Variants in SH3RF3 observed in about 807,000 individuals in gnomAD.
SH3RF3 encodes E3 ubiquitin-protein ligase SH3RF3.
Under a neutral mutation model 66.3 loss-of-function variants are expected in SH3RF3, and 29 were observed. That is an observed-to-expected ratio of 0.44 (90% CI 0.33 to 0.60). The LOEUF is 0.60. Ranked by LOEUF, SH3RF3 falls within the 20% of genes least tolerant of loss-of-function variation. The pLI, the probability that SH3RF3 is intolerant of heterozygous loss-of-function variation, is 0.04. For missense variants in SH3RF3, 1,194 were observed against 1,190.9 expected (o/e 1.00, Z -0.04); for synonymous variants, 583 against 532.0 (o/e 1.10, Z -1.32).
intron 5 of SH3RF3, among the ~76,000 whole-genome samples, chr2:109,424,723 A>T (rs1224088288): frequency 1.3e-5 from 2 of 152,142 alleles, no homozygotes; most frequent in African/African-American, 2.4e-5. Flanking sequence ...TCGATAAGTG[A>T]TGTGTATGTT....
In SH3RF3 at chr2:109,299,988, C is replaced by G. The variant is rs529608059; in HGVS notation, c.574-47686C>G. ...GGATTTGTTCTATTTATTTATTTCG[C>G]TCTTTCTTCAAGAATTTGGAAACTG... On this transcript the variant is annotated intron_variant, in intron 1 of 9. Coordinates refer to ENST00000309415, the MANE Select transcript of SH3RF3 (RefSeq NM_001099289.3). 2.3e-4 allele frequency among the ~76,000 whole-genome samples: 35 copies of G among 152,300 alleles called. 1 individual carries two copies. The highest frequency in any genetic ancestry group is 3.4e-3 in the Middle Eastern group (1 of 294).
chr2:109,382,034 T>C (rs988374784), intron 3 of SH3RF3, among the ~76,000 whole-genome samples: 2 of 152,124 alleles, frequency 1.3e-5, no homozygotes, highest in African/African-American at 4.8e-5. Flanking sequence ...CCTCCATAAG[T>C]TGCTGAAACT....
At chr2:109,437,382 G>C (rs1013155664) in intron 7 of SH3RF3, among the ~76,000 whole-genome samples, 1 of 151,272 alleles carries the variant, frequency 6.6e-6, no homozygotes, top group African/African-American at 2.4e-5. Context: ...TGTCATGCTC[G>C]TGAACGTCTG....
chr2:109,440,368 G>C (rs1677527939), intron 7 of SH3RF3, among the ~76,000 whole-genome samples: 2 of 152,250 alleles, frequency 1.3e-5, no homozygotes, highest in South Asian at 4.1e-4. Context: ...AGCAAAGAAA[G>C]ACCCGCAGTG....
chr2:109,136,781 G>T (rs1676824407), intron 1 of SH3RF3, among the ~76,000 whole-genome samples: 1 of 152,184 alleles, frequency 6.6e-6, no homozygotes, highest in Non-Finnish European at 1.5e-5. Context: ...AAATGAATTA[G>T]GATTGACCAC....
At chr2:109,177,222 T>C (rs1340513573) in intron 1 of SH3RF3, among the ~76,000 whole-genome samples, 3 of 152,114 alleles carry the variant, frequency 2.0e-5, no homozygotes, top group African/African-American at 2.4e-5. Flanking sequence ...CCAGGGACGA[T>C]GATAGCTCCT....
chr2:109,364,654 T>C (rs1683122695), intron 2 of SH3RF3, among the ~76,000 whole-genome samples: 1 of 152,234 alleles, frequency 6.6e-6, no homozygotes, highest in Non-Finnish European at 1.5e-5. Context: ...CAGGTCTCAG[T>C]CTTTCAGCAA....
chr2:109,264,811 C>T lies in SH3RF3; in HGVS notation c.574-82863C>T, dbSNP rs190689248. Reference sequence around the variant, plus strand: ...TCTGGCCATCACCTACCGTGCATGCCGCACCCTCCTGAGGCTTTCTGGAGT... The same window carrying T: ...TCTGGCCATCACCTACCGTGCATGCTGCACCCTCCTGAGGCTTTCTGGAGT... On this transcript the variant is annotated intron_variant, in intron 1 of 9. Coordinates refer to ENST00000309415, the MANE Select transcript of SH3RF3 (RefSeq NM_001099289.3). Among the ~76,000 whole-genome samples the T allele has an allele frequency of 1.2e-3, 180 of 152,336 alleles. 1 individual carries two copies. Among genetic ancestry groups the T allele is most frequent in the African/African-American group, 4.1e-3 (169 of 41,586 alleles).
intron 6 of SH3RF3, among the ~76,000 whole-genome samples, chr2:109,433,274 A>G (rs969542603): frequency 2.0e-5 from 3 of 152,246 alleles, no homozygotes; most frequent in Non-Finnish European, 4.4e-5. Flanking sequence ...AGGAAAAATG[A>G]TATCTTCCCA....
chr2:109,476,807 A>C (rs1042409247), intron 8 of SH3RF3, among the ~76,000 whole-genome samples: 5 of 152,190 alleles, frequency 3.3e-5, no homozygotes, highest in Non-Finnish European at 5.9e-5. Context: ...TTTCTTGATG[A>C]TAAGCTAAAC....
intron 4 of SH3RF3, among the ~76,000 whole-genome samples, chr2:109,408,065 G>A (rs546459254): frequency 4.6e-4 from 70 of 152,260 alleles, no homozygotes; most frequent in African/African-American, 1.6e-3. Context: ...GAGAGCATCC[G>A]GGAGCTCTGG....
chr2:109,487,714 A>G (rs1428780692), intron 8 of SH3RF3, among the ~76,000 whole-genome samples: 1 of 152,088 alleles, frequency 6.6e-6, no homozygotes, highest in Non-Finnish European at 1.5e-5. Flanking sequence ...GTCCAGGCCC[A>G]CAGGGCCCAA....
Position 109,503,001 on chromosome 2 carries a change from G to A in SH3RF3, c.*1330G>A, listed in dbSNP as rs1205339800. 1 of 152,216 alleles carries A rather than the reference G, an allele frequency of 6.6e-6. No individual in the cohort carries two copies. The highest frequency in any genetic ancestry group is 6.5e-5 in the Admixed American group (1 of 15,276). 9.4% of individuals were successfully genotyped at this position (152,216 alleles called of 1,614,324 possible). ...CACCGCTGCAGGCTTGCAAGATCGG[G>A]GAGTTGGGAGGGCGAGAGAGGAGGA... On this transcript the variant is annotated 3_prime_UTR_variant, in exon 10 of 10. Transcript: ENST00000309415.
At chr2:109,139,141 C>T (rs569484088) in intron 1 of SH3RF3, among the ~76,000 whole-genome samples, 1 of 152,302 alleles carries the variant, frequency 6.6e-6, no homozygotes, top group Non-Finnish European at 1.5e-5. Context: ...TCTTTATAAT[C>T]ATATCCCAAA....
At chr2:109,489,781 A>G (rs987389296) in intron 8 of SH3RF3, among the ~76,000 whole-genome samples, 5 of 152,086 alleles carry the variant, frequency 3.3e-5, no homozygotes, top group Non-Finnish European at 5.9e-5. Flanking sequence ...TCTGTCACCC[A>G]GGCTGGAGTG....
At chr2:109,142,043 T>G (rs1574471157) in intron 1 of SH3RF3, among the ~76,000 whole-genome samples, 1 of 145,878 alleles carries the variant, frequency 6.9e-6, no homozygotes, top group Non-Finnish European at 1.5e-5. Flanking sequence ...TTGAGTCTCC[T>G]GGGGGGGGGG....
chr2:109,501,832 G>A lies in SH3RF3; in HGVS notation c.*161G>A. 3 of 590,582 alleles carry A rather than the reference G, an allele frequency of 5.1e-6. No homozygotes were observed. The highest frequency in any genetic ancestry group is 2.8e-5 in the East Asian group (1 of 36,220). 36.6% of individuals were successfully genotyped at this position (590,582 alleles called of 1,614,324 possible). ...AGGGTGGGGGCCAGGGACTGTGGAG[G>A]TCGTGCCTTCTCCCAAAACCCCCAA... is the stretch of plus-strand genomic sequence containing the variant. On this transcript the variant is annotated 3_prime_UTR_variant, in exon 10 of 10. Transcript: ENST00000309415.
At chr2:109,224,555 G>C (rs902086891) in intron 1 of SH3RF3, among the ~76,000 whole-genome samples, 4 of 152,202 alleles carry the variant, frequency 2.6e-5, no homozygotes, top group Non-Finnish European at 5.9e-5. Flanking sequence ...GGCTCAGGAA[G>C]TGGCTTTTAA....
intron 1 of SH3RF3, among the ~76,000 whole-genome samples, chr2:109,176,137 C>T (rs1188094728): frequency 6.6e-6 from 1 of 152,098 alleles, no homozygotes; most frequent in African/African-American, 2.4e-5. Flanking sequence ...CTTTACTTGG[C>T]CCAGTGCTAA....
Sources: gnomAD v4.1 joint callset for allele counts (sites outside exome capture counted in the v4.1 genomes callset) on GRCh38, gnomAD v4.1.1 for gene constraint, MANE v1.5 for transcripts, NCBI Gene and HGNC (gene_info 2026-07-23, HGNC 2026-07-21) for gene names.